The following POM121C variants were observed in gnomAD, a reference collection of about 807,000 sequenced individuals.
POM121C encodes nuclear envelope pore membrane protein POM 121C.
Under a neutral mutation model 66.4 loss-of-function variants are expected in POM121C, and 20 were observed. The ratio of observed to expected loss-of-function variants is 0.30; its 90% confidence interval spans 0.21 to 0.44. POM121C has a LOEUF of 0.44. Among genes scored for constraint, POM121C ranks in the 20% least tolerant of loss-of-function variants. POM121C has a pLI of 1.00. For missense variants in POM121C, 580 were observed against 1,225.7 expected, an observed-to-expected ratio of 0.47 and a Z score of 7.87; for synonymous variants, 286 against 528.0, an observed-to-expected ratio of 0.54 and a Z score of 6.28.
chr7:75,423,690 G>C (rs1470070557), intron 12 of POM121C, among the ~76,000 whole-genome samples: 1 of 152,208 alleles, frequency 6.6e-6, no homozygotes, highest in Non-Finnish European at 1.5e-5. Flanking sequence ...TGGAGGGAAA[G>C]GAAGCAGTGT....
chr7:75,468,673 TA>T (rs1380745437), intron 3 of POM121C, among the ~76,000 whole-genome samples: 3 of 151,974 alleles, frequency 2.0e-5, no homozygotes. Flanking sequence ...AAAACCAACA[TA>T]TGCAACTGCC....
At chr7:75,470,729 C>T (rs1433463581) in intron 3 of POM121C, among the ~76,000 whole-genome samples, 1 of 151,816 alleles carries the variant, frequency 6.6e-6, no homozygotes, top group African/African-American at 2.4e-5. Context: ...ACCTCCTGGG[C>T]TCAAGCAATC....
In POM121C at chr7:75,419,246, G is replaced by T; in HGVS notation, c.2866+74C>A. On this transcript the variant is annotated intron_variant, in intron 14 of 14. Coordinates refer to ENST00000615331, the MANE Select transcript of POM121C (RefSeq NM_001099415.3). ...ACCTGATCTTCACGGGGCCTCAGAG[G>T]GCCAGGAGCCTGCCACCCCACCCAA... 3 of 1,522,440 alleles carry T rather than the reference G, an allele frequency of 2.0e-6. No individual in the cohort carries two copies. The South Asian group carries it at 3.9e-5, about 20-fold the overall frequency. 94.3% of individuals were successfully genotyped at this position (1,522,440 alleles called of 1,614,324 possible). A position where few individuals can be genotyped will look rare whatever the true frequency, so the allele number is the denominator to read the frequency against.
At position 75,417,750 on chromosome 7, in the gene POM121C, A is replaced by C. The variant is rs1248277189; in HGVS notation, c.*1046T>G. The C allele has an allele frequency of 1.0e-6, 1 of 975,274 alleles. No homozygotes were observed. Among genetic ancestry groups the C allele is most frequent in the Non-Finnish European group, 1.2e-6 (1 of 820,896 alleles). The allele number at this position is 975,274 out of a possible 1,614,324, so 60.4% of individuals were successfully genotyped here. On this transcript the variant is annotated 3_prime_UTR_variant, in exon 15 of 15. Transcript: ENST00000615331. ...CATTCTCCCTGGCTGCCAGCCCTTG[A>C]AGTCAGAACACCATGGGAAAATTCA... is the stretch of plus-strand genomic sequence containing the variant.
At chr7:75,477,831 T>C (rs1414143219) in intron 1 of POM121C, among the ~76,000 whole-genome samples, 1 of 151,674 alleles carries the variant, frequency 6.6e-6, no homozygotes, top group Non-Finnish European at 1.5e-5. Flanking sequence ...TGCCCTCAGG[T>C]GTGATAAATT....
intron 3 of POM121C, among the ~76,000 whole-genome samples, chr7:75,451,220 C>T (rs150738085): frequency 0.18 from 26,673 of 151,794 alleles, 2,674 homozygotes; most frequent in Middle Eastern, 0.28. Flanking sequence ...ATAGCCAAGA[C>T]GATACTAAGC....
At chr7:75,468,871 A>T (rs781952863) in intron 3 of POM121C, among the ~76,000 whole-genome samples, 2 of 152,134 alleles carry the variant, frequency 1.3e-5, no homozygotes, top group Non-Finnish European at 2.9e-5. Flanking sequence ...TTATTTTTAA[A>T]ACATTAAAAA....
intron 13 of POM121C, chr7:75,419,651 T>C: frequency 1.7e-6 from 1 of 598,402 alleles, no homozygotes; most frequent in Non-Finnish European, 2.9e-6. Context: ...CACCCGCTAA[T>C]GGCCACGCCA....
At chr7:75,421,225 C>A in intron 13 of POM121C, 1 of 915,008 alleles carries the variant, frequency 1.1e-6, no homozygotes. Flanking sequence ...ATCCACCCTC[C>A]TTGGCCTCCC....
At chr7:75,483,258 C>T (rs587702536) in intron 1 of POM121C, among the ~76,000 whole-genome samples, 1 of 152,320 alleles carries the variant, frequency 6.6e-6, no homozygotes, top group South Asian at 2.1e-4. Context: ...AAGCTATCCA[C>T]AATTATATCA....
chr7:75,452,986 G>A (rs1349563377), intron 3 of POM121C, among the ~76,000 whole-genome samples: 1 of 152,148 alleles, frequency 6.6e-6, no homozygotes, highest in Non-Finnish European at 1.5e-5. Flanking sequence ...AGAACTGCAG[G>A]CCAGAGACAA....
intron 1 of POM121C, among the ~76,000 whole-genome samples, chr7:75,475,903 T>C (rs1792052536): frequency 6.6e-6 from 1 of 151,926 alleles, no homozygotes; most frequent in Admixed American, 6.6e-5. Context: ...TAAAGATGAA[T>C]TGTGTATTCT....
At chr7:75,419,469 C>CCA (rs1407049614) in intron 13 of POM121C, 27 bp from the exon 14 acceptor site, 6 of 1,610,692 alleles carry the variant, frequency 3.7e-6, no homozygotes, top group Non-Finnish European at 5.1e-6. Context: ...AGAGAGCTAG[C>CCA]CAGTGAGCAG....
In POM121C at chr7:75,486,259, A is replaced by T. The variant is rs1792544600; in HGVS notation, c.-853T>A. Reference sequence around the variant, plus strand: ...CTAGAAGCCAAAGCCTGGGAACGAGAGCAAGCGATGACCTGAAGAGGCACA... The same window carrying T: ...CTAGAAGCCAAAGCCTGGGAACGAGTGCAAGCGATGACCTGAAGAGGCACA... On this transcript the variant is annotated 5_prime_UTR_variant, in exon 1 of 15. Coordinates refer to ENST00000615331, the MANE Select transcript of POM121C (RefSeq NM_001099415.3). 3.6e-6 allele frequency: 1 copy of T among 275,324 alleles called. No individual in the cohort carries two copies. Among genetic ancestry groups the T allele is most frequent in the African/African-American group, 2.4e-5 (1 of 41,974 alleles). 17.1% of individuals were successfully genotyped at this position (275,324 alleles called of 1,614,324 possible). A position where few individuals can be genotyped will look rare whatever the true frequency, so the allele number is the denominator to read the frequency against.
At chr7:75,477,935 C>T (rs1251419219) in intron 1 of POM121C, among the ~76,000 whole-genome samples, 2 of 152,020 alleles carry the variant, frequency 1.3e-5, no homozygotes, top group African/African-American at 4.8e-5. Flanking sequence ...AGAACATATA[C>T]GAAAGCAATG....
At chr7:75,435,279 A>C (rs1406070326) in intron 7 of POM121C, among the ~76,000 whole-genome samples, 1 of 152,186 alleles carries the variant, frequency 6.6e-6, no homozygotes, top group East Asian at 1.9e-4. Flanking sequence ...TGAAAAAGCA[A>C]GGTTCAAATC....
In POM121C at chr7:75,472,906, TG is replaced by T. The variant is rs587645813; in HGVS notation, c.-152+1797del. Reference sequence around the variant, plus strand: ...ATTATCTCAGCAAGTAAAATGCAGATGAAGGAAAAGGACAATGATCATTTGA... The same window carrying T: ...ATTATCTCAGCAAGTAAAATGCAGATAAGGAAAAGGACAATGATCATTTGA... On this transcript the variant is annotated intron_variant, in intron 3 of 14. Coordinates refer to ENST00000615331, the MANE Select transcript of POM121C (RefSeq NM_001099415.3). Among the ~76,000 whole-genome samples, 904 of 152,172 alleles carry T rather than the reference TG, an allele frequency of 5.9e-3. 7 individuals carry two copies. Among genetic ancestry groups the T allele is most frequent in the African/African-American group, 0.021 (867 of 41,502 alleles).
At chr7:75,473,494 A>G (rs587599841) in intron 3 of POM121C, among the ~76,000 whole-genome samples, 1 of 152,234 alleles carries the variant, frequency 6.6e-6, no homozygotes, top group South Asian at 2.1e-4. Context: ...TTGGGGAAAG[A>G]GGGGAAAGCT....
At chr7:75,478,248 T>C (rs587714688) in intron 1 of POM121C, among the ~76,000 whole-genome samples, 1 of 152,340 alleles carries the variant, frequency 6.6e-6, no homozygotes, top group East Asian at 1.9e-4. Context: ...ATTACAGGTA[T>C]GAGCCACCAC....
Sources: allele counts gnomAD v4.1 joint callset (sites outside exome capture counted in the v4.1 genomes callset), GRCh38; gene constraint gnomAD v4.1.1; transcripts MANE v1.5; gene names NCBI Gene and HGNC (gene_info 2026-07-23, HGNC 2026-07-21).